SRGAP3: variants seen among roughly 807,000 people sequenced by gnomAD.
SRGAP3 encodes the protein SLIT-ROBO Rho GTPase activating protein 3.
SRGAP3 carries 39 observed loss-of-function variants against 121.1 expected under a neutral mutation model. The ratio of observed to expected loss-of-function variants is 0.32; its 90% confidence interval spans 0.25 to 0.42. SRGAP3 has a LOEUF of 0.42. Among genes scored for constraint, SRGAP3 ranks in the 10% least tolerant of loss-of-function variants. The pLI, the probability that SRGAP3 is intolerant of heterozygous loss-of-function variation, is 1.00. For missense variants in SRGAP3, 1,213 were observed against 1,470.6 expected, an observed-to-expected ratio of 0.82 and a Z score of 2.86; for synonymous variants, 601 against 570.0, an observed-to-expected ratio of 1.05 and a Z score of -0.77.
intron 1 of SRGAP3, among the ~76,000 whole-genome samples, chr3:9,170,553 C>T (rs1157406678): frequency 6.6e-6 from 1 of 152,124 alleles, no homozygotes; most frequent in Non-Finnish European, 1.5e-5. Flanking sequence ...GTCTTCATGG[C>T]TCCAAATGGG....
chr3:9,299,753 T>C (rs1351633177), intron 3 of SRGAP3, among the ~76,000 whole-genome samples: 1 of 151,748 alleles, frequency 6.6e-6, no homozygotes, highest in Admixed American at 6.6e-5. Flanking sequence ...CCACTAAAAA[T>C]ACAAAAATTA....
chr3:9,091,906 G>A (rs550024982), intron 3 of SRGAP3, among the ~76,000 whole-genome samples: 1 of 151,946 alleles, frequency 6.6e-6, no homozygotes, highest in Non-Finnish European at 1.5e-5. Flanking sequence ...TCCTGTTGCT[G>A]AACTCCAAAT....
Position 9,015,742 on chromosome 3 carries a change from A to G in SRGAP3, c.1679-11T>C, listed in dbSNP as rs969688839. 6.2e-7 allele frequency: 1 copy of G among 1,614,024 alleles called. No individual in the cohort carries two copies. Among genetic ancestry groups the G allele is most frequent in the African/African-American group, 1.3e-5 (1 of 74,938 alleles). On this transcript the variant is annotated splice_polypyrimidine_tract_variant and intron_variant, in intron 14 of 21. Transcript: ENST00000383836. Reference sequence around the variant, plus strand: ...CAAGGGGGTCTTCACCTGAGTGGAAACAAGAGACGAGATGATATTTCAGCT... The same window carrying G: ...CAAGGGGGTCTTCACCTGAGTGGAAGCAAGAGACGAGATGATATTTCAGCT...
At chr3:9,151,433 T>C (rs1006582899) in intron 1 of SRGAP3, among the ~76,000 whole-genome samples, 3 of 151,258 alleles carry the variant, frequency 2.0e-5, no homozygotes, top group South Asian at 4.2e-4. Flanking sequence ...AGAGAAGAGG[T>C]TGAACTTTGT....
chr3:8,995,477 A>G (rs1236928543), intron 18 of SRGAP3, among the ~76,000 whole-genome samples: 1 of 152,164 alleles, frequency 6.6e-6, no homozygotes, highest in Non-Finnish European at 1.5e-5. Flanking sequence ...CCCTGTCTCA[A>G]AACAAACAAA....
At chr3:9,028,465 C>A (rs985640989) in intron 12 of SRGAP3, among the ~76,000 whole-genome samples, 1 of 152,176 alleles carries the variant, frequency 6.6e-6, no homozygotes, top group African/African-American at 2.4e-5. Context: ...CATCCCTGTA[C>A]CTAGCTTCTC....
At chr3:9,196,589 CT>C (rs1951924527) in intron 1 of SRGAP3, among the ~76,000 whole-genome samples, 1 of 152,152 alleles carries the variant, frequency 6.6e-6, no homozygotes, top group Non-Finnish European at 1.5e-5. Context: ...ACCAGCCTAT[CT>C]TTTGTCTTAG....
Position 9,186,634 on chromosome 3 carries a change from G to A in SRGAP3, c.68-61717C>T, listed in dbSNP as rs865814569. Among the ~76,000 whole-genome samples the A allele has an allele frequency of 1.5e-4, 23 of 152,242 alleles. No homozygotes were observed. In the Middle Eastern group the frequency reaches 0.024, roughly 158 times the overall value. On this transcript the variant is annotated intron_variant, in intron 1 of 21. Coordinates refer to ENST00000383836, the MANE Select transcript of SRGAP3 (RefSeq NM_014850.4). ...GACCTTCAGAGAACCTCAGCTAACC[G>A]TGAGATGAAGGAATGAACCAGCTTG...
intron 3 of SRGAP3, among the ~76,000 whole-genome samples, chr3:9,309,393 A>G (rs769671958): frequency 4.6e-5 from 7 of 152,002 alleles, no homozygotes; most frequent in Non-Finnish European, 1.0e-4. Flanking sequence ...TCCTCTATGC[A>G]CTTTAGTTAA....
intron 3 of SRGAP3, among the ~76,000 whole-genome samples, chr3:9,299,285 C>T (rs921656625): frequency 1.4e-5 from 2 of 144,064 alleles, no homozygotes; most frequent in Non-Finnish European, 3.0e-5. Context: ...TGCTTGAACT[C>T]GAGAGGCGGA....
chr3:9,001,265 A>G (rs1029779054), intron 18 of SRGAP3, among the ~76,000 whole-genome samples: 2 of 152,228 alleles, frequency 1.3e-5, no homozygotes, highest in African/African-American at 4.8e-5. Flanking sequence ...AAGAAACAAT[A>G]TATTTACAAC....
At chr3:9,193,463 T>A (rs1180645700) in intron 1 of SRGAP3, 1 of 152,154 alleles carries the variant, frequency 6.6e-6, no homozygotes, top group African/African-American at 2.4e-5. Flanking sequence ...TTCTGTGAAA[T>A]GGGGAGCCAT....
At chr3:9,077,869 G>T (rs1452087813) in intron 4 of SRGAP3, among the ~76,000 whole-genome samples, 1 of 152,236 alleles carries the variant, frequency 6.6e-6, no homozygotes, top group African/African-American at 2.4e-5. Flanking sequence ...TTTGTCACAG[G>T]TGAAACTGAC....
chr3:9,032,911 G>A (rs141973455), intron 11 of SRGAP3, among the ~76,000 whole-genome samples, 159 bp from the exon 12 acceptor site: 44 of 152,218 alleles, frequency 2.9e-4, no homozygotes, highest in African/African-American at 7.7e-4. Flanking sequence ...TCCATCTGAA[G>A]GCCTTTGGAT....
intron 1 of SRGAP3, among the ~76,000 whole-genome samples, chr3:9,212,065 T>C (rs1952465519): frequency 7.5e-6 from 1 of 133,096 alleles, no homozygotes; most frequent in Non-Finnish European, 1.7e-5. Flanking sequence ...AAGTGCAATA[T>C]AGAAAACTAG....
chr3:9,315,546 TG>T (rs1446056323), intron 3 of SRGAP3, among the ~76,000 whole-genome samples: 1 of 152,128 alleles, frequency 6.6e-6, no homozygotes, highest in African/African-American at 2.4e-5. Context: ...CTGCTGGGGA[TG>T]GGAGACAATA....
intron 5 of SRGAP3, 69 bp from the exon 6 acceptor site, chr3:9,060,428 CTTTTT>C (rs59248524): frequency 2.9e-5 from 34 of 1,176,690 alleles, no homozygotes; most frequent in East Asian, 9.7e-5. Context: ...TTTTCTATTC[CTTTTT>C]TTTTTTTTTT....
At chr3:9,030,314 C>T (rs1409049909) in intron 12 of SRGAP3, among the ~76,000 whole-genome samples, 2 of 152,224 alleles carry the variant, frequency 1.3e-5, no homozygotes, top group Non-Finnish European at 2.9e-5. Context: ...GTGCTCTGGG[C>T]TGTCGCTGCT....
At chr3:9,356,192 CTT>C (rs929664300) in intron 1 of SRGAP3, among the ~76,000 whole-genome samples, 8 of 122,292 alleles carry the variant, frequency 6.5e-5, no homozygotes, top group Admixed American at 1.6e-4. Context: ...ACTTTTTTTT[CTT>C]TTTTTTTTTT....
Sources: gnomAD v4.1 joint callset for allele counts (sites outside exome capture counted in the v4.1 genomes callset) on GRCh38, gnomAD v4.1.1 for gene constraint, MANE v1.5 for transcripts, NCBI Gene and HGNC (gene_info 2026-07-23, HGNC 2026-07-21) for gene names.